The following TNRC6C variants were observed in gnomAD, a reference collection of about 807,000 sequenced individuals.
TNRC6C encodes the protein trinucleotide repeat containing adaptor 6C.
A neutral mutation model predicts 153.7 loss-of-function variants in TNRC6C; 20 were observed. That is an observed-to-expected ratio of 0.13 (90% CI 0.09 to 0.19). The LOEUF is 0.19. TNRC6C is among the 10% of genes least tolerant of loss of function. The pLI is 1.00. For synonymous variants in TNRC6C, 811 were observed against 841.4 expected (o/e 0.96, Z 0.63); for missense variants, 1,987 against 2,172.0 (o/e 0.91, Z 1.69).
At chr17:78,095,361 G>A (rs762969879) in intron 16 of TNRC6C, among the ~76,000 whole-genome samples, 1 of 152,242 alleles carries the variant, frequency 6.6e-6, no homozygotes, top group African/African-American at 2.4e-5. Context: ...TGCGGGGAGG[G>A]CAGAAGAGAA....
At chr17:78,095,545 G>A (rs949200119) in intron 16 of TNRC6C, among the ~76,000 whole-genome samples, 1 of 152,192 alleles carries the variant, frequency 6.6e-6, no homozygotes, top group Non-Finnish European at 1.5e-5. Flanking sequence ...GCCTGCCCTG[G>A]CACTTGTACA....
chr17:78,079,465 C>T lies in TNRC6C; in HGVS notation c.3281C>T (p.Pro1094Leu). 1.2e-6 allele frequency: 2 copies of T among 1,613,914 alleles called. No individual in the cohort carries two copies. Among genetic ancestry groups the T allele is most frequent in the Non-Finnish European group, 8.5e-7 (1 of 1,179,880 alleles). ...CAAGCCAGGACCATGCAGCAGCCGC[C>T]ACAGCCACCAGTGCAGCCTCTTAAC... The change falls in exon 10 of 20, where the codon CCA becomes CTA. Residue 1094 changes from proline (P) to leucine (L), a missense_variant. Transcript: ENST00000301624. The surrounding 1 kb of genome is among the most constrained non-coding windows in gnomAD (Gnocchi z 4.3).
At chr17:78,019,198 T>C (rs905705483) in intron 1 of TNRC6C, among the ~76,000 whole-genome samples, 1 of 152,152 alleles carries the variant, frequency 6.6e-6, no homozygotes, top group Non-Finnish European at 1.5e-5. Context: ...AGAATGGGGT[T>C]GCAGCCAGGA....
At position 78,104,950 on chromosome 17, in the gene TNRC6C, T is replaced by G; in HGVS notation, c.*105T>G. On this transcript the variant is annotated 3_prime_UTR_variant, in exon 20 of 20. Coordinates refer to ENST00000301624, the Ensembl canonical transcript of TNRC6C. The surrounding 1 kb of genome is among the most constrained non-coding windows in gnomAD (Gnocchi z 6.2). ...ACCCAGCAGCGGCCGCCCTTTTGAG[T>G]ACCTCTGTCCAGGACTGAAGACGAA... 2 of 1,350,852 alleles carry G rather than the reference T, an allele frequency of 1.5e-6. No individual in the cohort carries two copies. Among genetic ancestry groups the G allele is most frequent in the Non-Finnish European group, 1.9e-6 (2 of 1,049,774 alleles). 83.7% of individuals were successfully genotyped at this position (1,350,852 alleles called of 1,614,324 possible). A position where few individuals can be genotyped will look rare whatever the true frequency, so the allele number is the denominator to read the frequency against.
At chr17:78,048,959 A>T in exon 3 of TNRC6C, 14 of 1,378,980 alleles carry the variant, frequency 1.0e-5, no homozygotes, top group Non-Finnish European at 1.3e-5. Flanking sequence ...GATAGGACTG[A>T]CAAGGAGGCG....
intron 2 of TNRC6C, among the ~76,000 whole-genome samples, chr17:78,037,571 G>T (rs1476110883): frequency 6.6e-6 from 1 of 152,200 alleles, no homozygotes; most frequent in Non-Finnish European, 1.5e-5. Flanking sequence ...GTGAAAGGGC[G>T]TCGCAGATGG....
In TNRC6C at chr17:78,048,726, T is replaced by A. The variant is rs2072459107; in HGVS notation, c.-218-119T>A. Reference sequence around the variant, plus strand: ...TTTTTTCTTTAAGTCATTTTTTTAGTGTTTGTCATTCAGATTTGAAGACTT... The same window carrying A: ...TTTTTTCTTTAAGTCATTTTTTTAGAGTTTGTCATTCAGATTTGAAGACTT... On this transcript the variant is annotated intron_variant, in intron 2 of 19. Transcript: ENST00000301624. 4.1e-6 allele frequency: 4 copies of A among 981,734 alleles called. No homozygotes were observed. In the Admixed American group the frequency reaches 1.7e-4, roughly 42 times the overall value. 60.8% of individuals were successfully genotyped at this position (981,734 alleles called of 1,614,324 possible).
chr17:78,078,525 A>G (rs561309088), intron 9 of TNRC6C, among the ~76,000 whole-genome samples: 9 of 152,292 alleles, frequency 5.9e-5, no homozygotes, highest in African/African-American at 2.2e-4. Flanking sequence ...ACCACACATT[A>G]TTACCCTTTA....
rs571023669 is a variant in TNRC6C, at chr17:78,081,188, A to C, written c.3357+1647A>C. 7.2e-5 allele frequency among the ~76,000 whole-genome samples: 11 copies of C among 151,894 alleles called. 3 individuals carry two copies. The highest frequency in any genetic ancestry group is 2.7e-4 in the African/African-American group (11 of 41,430). On this transcript the variant is annotated intron_variant, in intron 10 of 19. Coordinates refer to ENST00000301624, the Ensembl canonical transcript of TNRC6C. ...GCCTCTGTCATTAGGGTGCTGATCC[A>C]ATTCATGGGGGCTCCTGATCACCTC...
In TNRC6C at chr17:77,959,850, T is replaced by G. The variant is rs532932209; in HGVS notation, c.-38+582T>G. Reference sequence around the variant, plus strand: ...CAGATAACGTAACCCGAGCGCCTGGTTGCCGCCTCTGCTTTAAGCGGTGCC... The same window carrying G: ...CAGATAACGTAACCCGAGCGCCTGGGTGCCGCCTCTGCTTTAAGCGGTGCC... On this transcript the variant is annotated intron_variant, in intron 1 of 22. Transcript: ENST00000636222. 3.3e-5 allele frequency among the ~76,000 whole-genome samples: 5 copies of G among 152,278 alleles called. No homozygotes were observed. The South Asian group carries it at 6.2e-4, about 19-fold the overall frequency.
At position 78,079,117 on chromosome 17, in the gene TNRC6C, C is replaced by T. The variant is rs1036778681; in HGVS notation, c.3211-278C>T. On this transcript the variant is annotated intron_variant, in intron 9 of 19. Coordinates refer to ENST00000301624, the Ensembl canonical transcript of TNRC6C. The surrounding 1 kb of genome is among the most constrained non-coding windows in gnomAD (Gnocchi z 4.3). Reference sequence around the variant, plus strand: ...AAAAAAAAAAAGCCAGGCATAGTGGCGGGGGTCTGTAATCCCAGCTACTCG... The same window carrying T: ...AAAAAAAAAAAGCCAGGCATAGTGGTGGGGGTCTGTAATCCCAGCTACTCG... Among the ~76,000 whole-genome samples the T allele has an allele frequency of 1.3e-5, 2 of 150,264 alleles. No individual in the cohort carries two copies. Among genetic ancestry groups the T allele is most frequent in the East Asian group, 2.0e-4 (1 of 5,126 alleles).
At chr17:78,013,147 G>A (rs1316126645) in intron 1 of TNRC6C, among the ~76,000 whole-genome samples, 1 of 152,174 alleles carries the variant, frequency 6.6e-6, no homozygotes, top group African/African-American at 2.4e-5. Flanking sequence ...CAGCTCTTTT[G>A]AGAGAGGTGG....
chr17:77,970,853 G>C (rs959421783), intron 1 of TNRC6C, among the ~76,000 whole-genome samples: 4 of 152,016 alleles, frequency 2.6e-5, no homozygotes, highest in African/African-American at 9.7e-5. Context: ...TTTAAAACAT[G>C]AAAAAATTAG....
chr17:77,978,527 G>A (rs2071032845), intron 1 of TNRC6C, among the ~76,000 whole-genome samples: 1 of 152,176 alleles, frequency 6.6e-6, no homozygotes, highest in Non-Finnish European at 1.5e-5. Context: ...TGAAGACTTT[G>A]AGGCCAAGAT....
chr17:78,098,545 C>G lies in TNRC6C; in HGVS notation c.4501+8C>G. 6.2e-7 allele frequency: 1 copy of G among 1,609,816 alleles called. No homozygotes were observed. The highest frequency in any genetic ancestry group is 8.5e-7 in the Non-Finnish European group (1 of 1,178,336). On this transcript the variant is annotated splice_region_variant and intron_variant, in intron 17 of 19. Coordinates refer to ENST00000301624, the Ensembl canonical transcript of TNRC6C. ...CCAGCTCCTACTCCTCGGGTAAGCT[C>G]CATGCTCCTCGTGTTCCGATGGGGG... is the stretch of plus-strand genomic sequence containing the variant.
intron 1 of TNRC6C, among the ~76,000 whole-genome samples, chr17:78,020,287 G>A (rs1028311259): frequency 1.2e-4 from 18 of 152,230 alleles, no homozygotes; most frequent in African/African-American, 4.3e-4. Context: ...GGTAAACTGA[G>A]TGTGCCATGC....
At chr17:78,094,682 C>T (rs981264726) in intron 16 of TNRC6C, among the ~76,000 whole-genome samples, 9 of 152,184 alleles carry the variant, frequency 5.9e-5, no homozygotes, top group African/African-American at 9.6e-5. Flanking sequence ...TCAAGTGATC[C>T]GCCTGCTTTG....
intron 1 of TNRC6C, among the ~76,000 whole-genome samples, chr17:78,005,581 A>G (rs1410661612): frequency 6.6e-6 from 1 of 152,190 alleles, no homozygotes; most frequent in African/African-American, 2.4e-5. Context: ...CGCATTTCTC[A>G]CTGTTACTCA....
chr17:77,986,370 G>T lies in TNRC6C; in HGVS notation c.-37-17800G>T, dbSNP rs532853146. ...ACAGGTTGTGGTGAGCCGAGATCGC[G>T]CCATTGCACTCCAGCCTGGACAACA... On this transcript the variant is annotated intron_variant, in intron 1 of 22. Coordinates refer to the TNRC6C transcript ENST00000636222. Among the ~76,000 whole-genome samples, 11 of 145,118 alleles carry T rather than the reference G, an allele frequency of 7.6e-5. No individual in the cohort carries two copies. In the South Asian group the frequency reaches 2.3e-3, roughly 31 times the overall value.
Sources: gnomAD v4.1 joint callset for allele counts (sites outside exome capture counted in the v4.1 genomes callset) on GRCh38, gnomAD v4.1.1 for gene constraint, Gnocchi (gnomAD v3.1) non-coding constraint, MANE v1.5 for transcripts, NCBI Gene and HGNC (gene_info 2026-07-23, HGNC 2026-07-21) for gene names.